The following PGM2L1 variants were observed in gnomAD, a reference collection of about 807,000 sequenced individuals.
PGM2L1 encodes the protein phosphoglucomutase 2 like 1.
In PGM2L1, 35 loss-of-function variants were observed where a neutral mutation model predicts 73.4. The observed-to-expected ratio is 0.48, with a 90% CI of 0.36 to 0.63. The LOEUF is 0.63. Ranked by LOEUF, PGM2L1 falls within the 30% of genes least tolerant of loss-of-function variation. The probability of loss-of-function intolerance (pLI) is 0.00; values close to 1 mark genes in which losing one functional copy is unlikely to be tolerated. For missense variants in PGM2L1, 570 were observed against 742.0 expected (o/e 0.77, Z 2.69); for synonymous variants, 225 against 253.8 (o/e 0.89, Z 1.08).
intron 8 of PGM2L1, 25 bp from the exon 9 acceptor site, chr11:74,345,674 G>C: frequency 6.3e-7 from 1 of 1,598,494 alleles, no homozygotes; most frequent in Middle Eastern, 1.7e-4. Context: ...AAAATACAAT[G>C]TCAAGACCTT....
chr11:74,372,148 T>C (rs1426719879), intron 2 of PGM2L1, among the ~76,000 whole-genome samples: 3 of 150,598 alleles, frequency 2.0e-5, no homozygotes, highest in Non-Finnish European at 4.4e-5. Flanking sequence ...AAAAAAAGAT[T>C]AGAAGAGCCA....
intron 1 of PGM2L1, among the ~76,000 whole-genome samples, chr11:74,387,641 T>C (rs1863036249): frequency 6.6e-6 from 1 of 152,174 alleles, no homozygotes; most frequent in Admixed American, 6.5e-5. Flanking sequence ...CCATATCCAT[T>C]ATCTATTTGT....
intron 1 of PGM2L1, among the ~76,000 whole-genome samples, chr11:74,385,970 T>A (rs1863012352): frequency 6.6e-6 from 1 of 152,146 alleles, no homozygotes; most frequent in Admixed American, 6.5e-5. Flanking sequence ...TTCAAAATAG[T>A]TTTTAAAAAT....
intron 1 of PGM2L1, among the ~76,000 whole-genome samples, chr11:74,393,517 G>GA (rs1202761800): frequency 6.6e-6 from 1 of 151,818 alleles, no homozygotes; most frequent in Non-Finnish European, 1.5e-5. Context: ...AGTGACATTG[G>GA]AAAAAAAACT....
intron 1 of PGM2L1, among the ~76,000 whole-genome samples, chr11:74,393,525 ACTT>A: frequency 6.6e-6 from 1 of 152,206 alleles, no homozygotes; most frequent in East Asian, 1.9e-4. Flanking sequence ...TGGAAAAAAA[ACTT>A]CTACCATTAG....
chr11:74,340,015 C>G (rs80178635), intron 12 of PGM2L1, among the ~76,000 whole-genome samples: 3 of 152,174 alleles, frequency 2.0e-5, no homozygotes, highest in Non-Finnish European at 4.4e-5. Context: ...TTGTCAATTT[C>G]CCCACTAGAC....
At chr11:74,365,752 A>T (rs1017166081) in intron 5 of PGM2L1, among the ~76,000 whole-genome samples, 1 of 152,234 alleles carries the variant, frequency 6.6e-6, no homozygotes, top group African/African-American at 2.4e-5. Context: ...GAACACTTTT[A>T]CACTGTTGGT....
Position 74,338,488 on chromosome 11 carries a change from C to T in PGM2L1, c.1746G>A (p.Met582Ile), listed in dbSNP as rs1200222658. 6.3e-7 allele frequency: 1 copy of T among 1,585,842 alleles called. No homozygotes were observed. The highest frequency in any genetic ancestry group is 8.6e-7 in the Non-Finnish European group (1 of 1,158,890). ...TEPKIKYYAE[M>I]CASPDQSDTA... ...CTTACCTCTGGTCAGGTGACGCACACATCTCTGCATAATACTTTATCTTTG... is the reference window on the plus strand; with the variant it reads ...CTTACCTCTGGTCAGGTGACGCACATATCTCTGCATAATACTTTATCTTTG... The change falls in exon 13 of 14, where the codon ATG becomes ATA. Residue 582 changes from methionine (M) to isoleucine (I), a missense_variant. Met to Ile is a conservative substitution (Grantham distance 10). Coordinates refer to ENST00000298198, the MANE Select transcript of PGM2L1 (RefSeq NM_173582.6).
intron 6 of PGM2L1, 146 bp downstream of exon 6, chr11:74,351,235 TGG>T (rs1862347545): frequency 7.2e-6 from 5 of 692,986 alleles, no homozygotes; most frequent in Non-Finnish European, 1.2e-5. Context: ...AATGGTTACT[TGG>T]GTTATTTCCA....
chr11:74,398,252 G>T lies in PGM2L1; in HGVS notation c.-91C>A. 6.8e-7 allele frequency: 1 copy of T among 1,474,024 alleles called. No homozygotes were observed. The highest frequency in any genetic ancestry group is 9.0e-7 in the Non-Finnish European group (1 of 1,111,334). The allele number at this position is 1,474,024 out of a possible 1,614,324, so 91.3% of individuals were successfully genotyped here. On this transcript the variant is annotated 5_prime_UTR_variant, in exon 1 of 14. Transcript: ENST00000298198. The stretch of plus-strand genomic sequence containing the variant: ...GGGGTTCGCTCACCAGGGTCCAGGC[G>T]TCCCCACCTCACTGAAGGGCATCGG...
chr11:74,387,218 G>A (rs1348828942), intron 1 of PGM2L1, among the ~76,000 whole-genome samples: 2 of 152,138 alleles, frequency 1.3e-5, no homozygotes, highest in Admixed American at 1.3e-4. Context: ...ATCAGCAATA[G>A]AGTTCAATTC....
chr11:74,346,307 A>C (rs1469851584), intron 8 of PGM2L1, among the ~76,000 whole-genome samples: 6 of 149,744 alleles, frequency 4.0e-5, no homozygotes, highest in African/African-American at 1.5e-4. Context: ...GCAAACAAAC[A>C]AAAAAAAAGG....
At chr11:74,363,659 CAAG>C (rs1862604067) in intron 5 of PGM2L1, among the ~76,000 whole-genome samples, 1 of 152,012 alleles carries the variant, frequency 6.6e-6, no homozygotes, top group African/African-American at 2.4e-5. Flanking sequence ...AAGACTAAAC[CAAG>C]AAGAAGCTGA....
At chr11:74,386,590 C>G (rs1163004544) in intron 1 of PGM2L1, among the ~76,000 whole-genome samples, 1 of 152,062 alleles carries the variant, frequency 6.6e-6, no homozygotes. Context: ...ATCTTCCCAC[C>G]TAAGCCTCCC....
Position 74,364,091 on chromosome 11 carries a change from T to C in PGM2L1, c.555+4401A>G, listed in dbSNP as rs1862612721. ...AAATCAATAAATGTAATCCAGCACA[T>C]AAACAGAACCAAAGACAAAAACCAC... On this transcript the variant is annotated intron_variant, in intron 5 of 13. Transcript: ENST00000298198. Among the ~76,000 whole-genome samples the C allele has an allele frequency of 4.6e-5, 7 of 152,210 alleles. No individual in the cohort carries two copies. The South Asian group carries it at 1.5e-3, about 32-fold the overall frequency.
intron 1 of PGM2L1, among the ~76,000 whole-genome samples, chr11:74,391,680 T>C (rs1466608985): frequency 6.6e-6 from 1 of 152,196 alleles, no homozygotes; most frequent in Non-Finnish European, 1.5e-5. Flanking sequence ...CTGTATCCAT[T>C]GCTTTACTTA....
rs1023987454 is a variant in PGM2L1 at position 74,333,383 on chromosome 11, A to T, written c.*3269T>A. 1 of 152,222 alleles carries T rather than the reference A, an allele frequency of 6.6e-6. No homozygotes were observed. Among genetic ancestry groups the T allele is most frequent in the African/African-American group, 2.4e-5 (1 of 41,444 alleles). 9.4% of individuals were successfully genotyped at this position (152,222 alleles called of 1,614,324 possible). On this transcript the variant is annotated 3_prime_UTR_variant, in exon 14 of 14. Transcript: ENST00000298198. The stretch of plus-strand genomic sequence containing the variant: ...TCAATAAAAGACTCAATAAAGCTTT[A>T]TTAGCAAACTTAGCAAACTATCTCA...
chr11:74,339,103 G>A (rs1009951459), intron 12 of PGM2L1, among the ~76,000 whole-genome samples: 2 of 152,058 alleles, frequency 1.3e-5, no homozygotes, highest in Admixed American at 6.6e-5. Flanking sequence ...TTTTACAGAC[G>A]AGGCTCAAAG....
intron 5 of PGM2L1, among the ~76,000 whole-genome samples, chr11:74,361,510 C>G (rs1862563064): frequency 6.6e-6 from 1 of 152,194 alleles, no homozygotes; most frequent in Non-Finnish European, 1.5e-5. Flanking sequence ...TGCAAAGGAA[C>G]ACGGCTCCTT....
Sources: gnomAD v4.1 joint callset for allele counts (sites outside exome capture counted in the v4.1 genomes callset) on GRCh38, gnomAD v4.1.1 for gene constraint, MANE v1.5 for transcripts, NCBI Gene and HGNC (gene_info 2026-07-23, HGNC 2026-07-21) for gene names.